Variants in CEMIP observed in about 807,000 individuals in gnomAD.
CEMIP encodes the protein cell migration inducing hyaluronidase 1, also known as cell migration-inducing and hyaluronan-binding protein.
Under a neutral mutation model 156.9 loss-of-function variants are expected in CEMIP, and 105 were observed. That is an observed-to-expected ratio of 0.67 (90% CI 0.57 to 0.79). The LOEUF is 0.79. Ranked by LOEUF, CEMIP falls within the 30% of genes least tolerant of loss-of-function variation. CEMIP has a pLI of 0.00. For synonymous variants in CEMIP, 676 were observed against 668.4 expected, an observed-to-expected ratio of 1.01 and a Z score of -0.17; for missense variants, 1,457 against 1,769.4, an observed-to-expected ratio of 0.82 and a Z score of 3.17.
intron 1 of CEMIP, among the ~76,000 whole-genome samples, chr15:80,848,484 G>T (rs1897618634): frequency 6.6e-6 from 1 of 152,204 alleles, no homozygotes; most frequent in South Asian, 2.1e-4. Flanking sequence ...AGCAGGCCAA[G>T]TCCCAAGCCT....
rs1898640785 is a variant in CEMIP at position 80,881,080 on chromosome 15, T to C, written c.561T>C (p.Arg187=). 6.2e-7 allele frequency: 1 copy of C among 1,614,036 alleles called. No individual in the cohort carries two copies. The highest frequency in any genetic ancestry group is 1.7e-5 in the Admixed American group (1 of 60,000). The change falls in exon 6 of 30, where the codon CGT becomes CGC. Residue 187 remains arginine, a synonymous_variant. Coordinates refer to ENST00000394685, the MANE Select transcript of CEMIP (RefSeq NM_001293298.2). The part of the protein sequence containing the change: ...GYFFERSWGH[R]GVIVHVIDPK... ...TTTTTGAAAGGAGCTGGGGCCACCG[T>C]GGAGTTATTGTTCATGTCATCGACC... is the stretch of plus-strand genomic sequence containing the variant.
At chr15:80,780,773 C>G (rs888956409) in intron 1 of CEMIP, among the ~76,000 whole-genome samples, 1 of 152,132 alleles carries the variant, frequency 6.6e-6, no homozygotes, top group African/African-American at 2.4e-5. Context: ...TGCCCAGGCG[C>G]GACGCCACCA....
At chr15:80,800,327 G>A (rs759300448) in intron 1 of CEMIP, among the ~76,000 whole-genome samples, 4 of 151,928 alleles carry the variant, frequency 2.6e-5, no homozygotes, top group Admixed American at 6.6e-5. Flanking sequence ...TGGGACTGCC[G>A]AGAGAGCAGG....
chr15:80,803,205 T>C (rs978385253), intron 1 of CEMIP, among the ~76,000 whole-genome samples: 10 of 152,098 alleles, frequency 6.6e-5, no homozygotes, highest in African/African-American at 2.2e-4. Flanking sequence ...TCCCGCAGAG[T>C]TGTACAGAAC....
At position 80,814,358 on chromosome 15, in the gene CEMIP, T is replaced by C. The variant is rs114077831; in HGVS notation, c.-176+34744T>C. Among the ~76,000 whole-genome samples, 1,023 of 152,300 alleles carry C rather than the reference T, an allele frequency of 6.7e-3. 14 individuals are homozygous for C. Among genetic ancestry groups the C allele is most frequent in the African/African-American group, 0.024 (992 of 41,568 alleles). ...GCCACTGAGCCCGGCCTAAACTCTT[T>C]GGCTTGACACCAGAGCAACCCACGG... On this transcript the variant is annotated intron_variant, in intron 1 of 29. Coordinates refer to ENST00000394685, the MANE Select transcript of CEMIP (RefSeq NM_001293298.2).
intron 1 of CEMIP, among the ~76,000 whole-genome samples, chr15:80,812,559 T>C (rs1896696146): frequency 6.6e-6 from 1 of 152,184 alleles, no homozygotes. Context: ...TTGTCAAGCG[T>C]AGTAACACAC....
At chr15:80,846,419 G>T (rs1014906110) in intron 1 of CEMIP, among the ~76,000 whole-genome samples, 82 of 152,148 alleles carry the variant, frequency 5.4e-4, no homozygotes, top group Non-Finnish European at 1.9e-4. Context: ...CTGCTGGGTG[G>T]ATCACCTGTC....
Position 80,906,138 on chromosome 15 carries a change from A to G in CEMIP, c.1412-525A>G, listed in dbSNP as rs1462446096. Among the ~76,000 whole-genome samples, 2 of 152,210 alleles carry G rather than the reference A, an allele frequency of 1.3e-5. No homozygotes were observed. Among genetic ancestry groups the G allele is most frequent in the African/African-American group, 2.4e-5 (1 of 41,442 alleles). On this transcript the variant is annotated intron_variant, in intron 12 of 29. Transcript: ENST00000394685. This position sits in a 1 kb window ranked among gnomAD's most constrained non-coding sequence, Gnocchi z 4.3. ...CAGAGGGGTTCTGTTTTATCTTCCT[A>G]AGATCGGCAATCTACGGTATCATCC...
At chr15:80,821,698 C>A (rs1896913600) in intron 1 of CEMIP, among the ~76,000 whole-genome samples, 1 of 152,112 alleles carries the variant, frequency 6.6e-6, no homozygotes, top group Non-Finnish European at 1.5e-5. Flanking sequence ...TTTGTGTATC[C>A]CTTACATCTC....
intron 12 of CEMIP, chr15:80,897,236 C>T (rs932845655): frequency 2.2e-5 from 10 of 455,338 alleles, no homozygotes; most frequent in South Asian, 3.1e-5. Flanking sequence ...ATTGAGAAAG[C>T]GTATCCAATA....
In CEMIP at chr15:80,887,771, C is replaced by A. The variant is rs773685367; in HGVS notation, c.868+7C>A. 2.8e-5 allele frequency: 45 copies of A among 1,609,538 alleles called. No individual in the cohort carries two copies. The highest frequency in any genetic ancestry group is 5.0e-5 in the Admixed American group (3 of 59,998). On this transcript the variant is annotated splice_region_variant and intron_variant, in intron 8 of 29. Transcript: ENST00000394685. ...GACCATATTGAATATCATGGTAATA[C>A]ATAGCTGGCTGGAGGCCTGATTCCC...
intron 1 of CEMIP, among the ~76,000 whole-genome samples, chr15:80,842,338 G>T (rs1156317518): frequency 6.6e-6 from 1 of 152,024 alleles, no homozygotes; most frequent in Admixed American, 6.6e-5. Flanking sequence ...TTCTGTGTTT[G>T]CTAATTCATT....
At chr15:80,914,357 G>T (rs547791811) in intron 14 of CEMIP, among the ~76,000 whole-genome samples, 1 of 152,066 alleles carries the variant, frequency 6.6e-6, no homozygotes, top group Non-Finnish European at 1.5e-5. Flanking sequence ...TTTCCTCCTC[G>T]TGTATTGCTC....
At position 80,950,462 on chromosome 15, in the gene CEMIP, C is replaced by T. The variant is rs1901768530; in HGVS notation, c.*1538C>T. On this transcript the variant is annotated 3_prime_UTR_variant, in exon 30 of 30. Coordinates refer to ENST00000394685, the MANE Select transcript of CEMIP (RefSeq NM_001293298.2). Reference sequence around the variant, plus strand: ...TCTCTTCCCTCCTGCTCCCAGCGCACACAAACCCGCCCTCCCCTTGGTGTT... The same window carrying T: ...TCTCTTCCCTCCTGCTCCCAGCGCATACAAACCCGCCCTCCCCTTGGTGTT... 6.6e-6 allele frequency: 1 copy of T among 152,310 alleles called. No homozygotes were observed. The highest frequency in any genetic ancestry group is 2.4e-5 in the African/African-American group (1 of 41,480). 9.4% of individuals were successfully genotyped at this position (152,310 alleles called of 1,614,324 possible). A position where few individuals can be genotyped will look rare whatever the true frequency, so the allele number is the denominator to read the frequency against.
intron 1 of CEMIP, among the ~76,000 whole-genome samples, chr15:80,849,327 C>T (rs552640995): frequency 3.5e-4 from 53 of 152,226 alleles, no homozygotes; most frequent in Non-Finnish European, 5.3e-4. Context: ...TCTTGATCTC[C>T]GGACTCACCT....
At position 80,951,127 on chromosome 15, in the gene CEMIP, CCTT is replaced by C. The variant is rs1901801832; in HGVS notation, c.*2207_*2209del. 1 of 152,676 alleles carries C rather than the reference CCTT, an allele frequency of 6.5e-6. No homozygotes were observed. Among genetic ancestry groups the C allele is most frequent in the African/African-American group, 2.4e-5 (1 of 41,462 alleles). 9.5% of individuals were successfully genotyped at this position (152,676 alleles called of 1,614,324 possible). A position where few individuals can be genotyped will look rare whatever the true frequency, so the allele number is the denominator to read the frequency against. On this transcript the variant is annotated 3_prime_UTR_variant, in exon 30 of 30. Transcript: ENST00000394685. Reference sequence around the variant, plus strand: ...GAGGAGAGTTAAAATGACCTCATGTCCTTCTTGTCCACGGTTTTGTTGAGTTTT... The same window carrying C: ...GAGGAGAGTTAAAATGACCTCATGTCCTTGTCCACGGTTTTGTTGAGTTTT...
At chr15:80,910,104 C>T (rs1439314694) in intron 14 of CEMIP, among the ~76,000 whole-genome samples, 3 of 152,196 alleles carry the variant, frequency 2.0e-5, no homozygotes, top group South Asian at 2.1e-4. Flanking sequence ...AATCCAGCTA[C>T]ACGATGTGTT....
In CEMIP at chr15:80,942,971, G is replaced by A. The variant is rs539660843; in HGVS notation, c.3726G>A (p.Ser1242=). The part of the protein sequence containing the change: ...IEVDGKKYPS[S]EDGIQVVVID... The stretch of plus-strand genomic sequence containing the variant: ...TGGATGGGAAGAAGTACCCCAGTTC[G>A]GAGGATGGCATCCAGGTGGTGGTGA... The change falls in exon 28 of 30, where the codon TCG becomes TCA. Residue 1242 remains serine, a synonymous_variant. Coordinates refer to ENST00000394685, the MANE Select transcript of CEMIP (RefSeq NM_001293298.2). 46 of 1,614,208 alleles carry A rather than the reference G, an allele frequency of 2.8e-5. No individual in the cohort carries two copies. The East Asian group carries it at 3.1e-4, about 11-fold the overall frequency.
chr15:80,848,980 TTTTTTTTTTTTTTTTTTTTTTTTTTG>T (rs1434168213), intron 1 of CEMIP, among the ~76,000 whole-genome samples: 1 of 60,522 alleles, frequency 1.7e-5, no homozygotes, highest in African/African-American at 6.0e-5. Flanking sequence ...TTTTTTTTTT[TTTTTTTTTTTTTTTTTTTTTTTTTTG>T]AGAGAGATAG....
Sources: allele counts gnomAD v4.1 joint callset (sites outside exome capture counted in the v4.1 genomes callset), GRCh38; gene constraint gnomAD v4.1.1; non-coding constraint Gnocchi (gnomAD v3.1); transcripts MANE v1.5; gene names NCBI Gene and HGNC (gene_info 2026-07-23, HGNC 2026-07-21).